The following KLF17 variants were observed in gnomAD, a reference collection of about 807,000 sequenced individuals.
The protein encoded by KLF17 is Krueppel-like factor 17.
A neutral mutation model predicts 34.2 loss-of-function variants in KLF17; 31 were observed. The observed-to-expected ratio is 0.91, with a 90% CI of 0.68 to 1.22. The LOEUF (loss-of-function observed/expected upper bound fraction) is 1.22. Ranked by LOEUF, KLF17 falls within the 50% of genes most tolerant of loss-of-function variation. The pLI is 0.00. For missense variants in KLF17, 478 were observed against 505.2 expected, an observed-to-expected ratio of 0.95 and a Z score of 0.52; for synonymous variants, 179 against 186.7, an observed-to-expected ratio of 0.96 and a Z score of 0.34.
chr1:44,077,915 A>C, the KLF17 span, among the ~76,000 whole-genome samples: 1 of 152,202 alleles, frequency 6.6e-6, no homozygotes, highest in South Asian at 2.1e-4. Flanking sequence ...ATTGTACAGA[A>C]GTACGTGGAA....
At chr1:44,109,875 A>G in the KLF17 span, among the ~76,000 whole-genome samples, 1 of 149,984 alleles carries the variant, frequency 6.7e-6, no homozygotes, top group Non-Finnish European at 1.5e-5. Flanking sequence ...CCCCACAGCC[A>G]TATACATATA....
At chr1:44,060,336 C>T in the KLF17 span, among the ~76,000 whole-genome samples, 3 of 152,110 alleles carry the variant, frequency 2.0e-5, no homozygotes, top group Non-Finnish European at 2.9e-5. Flanking sequence ...GGCGTGGTGG[C>T]GAGTACCTGT....
chr1:44,055,289 A>G, the KLF17 span, among the ~76,000 whole-genome samples: 1 of 152,164 alleles, frequency 6.6e-6, no homozygotes, highest in African/African-American at 2.4e-5. Context: ...TGGGTTCTTA[A>G]TGGACATGGG....
the KLF17 span, chr1:44,101,648 C>T: frequency 6.6e-6 from 1 of 152,170 alleles, no homozygotes; most frequent in Non-Finnish European, 1.5e-5. Context: ...GTGATGTTAA[C>T]TTTGGTCACA....
chr1:44,064,725 G>A, the KLF17 span, among the ~76,000 whole-genome samples: 2 of 152,068 alleles, frequency 1.3e-5, no homozygotes, highest in African/African-American at 4.8e-5. Flanking sequence ...TTCACATATA[G>A]GTAACCATTC....
At chr1:44,123,154 T>C (rs573323114) in intron 1 of KLF17, among the ~76,000 whole-genome samples, 1 of 152,116 alleles carries the variant, frequency 6.6e-6, no homozygotes, top group African/African-American at 2.4e-5. Flanking sequence ...TGAACCATGA[T>C]TGATCGCACC....
At chr1:44,099,857 G>GAAAA in the KLF17 span, among the ~76,000 whole-genome samples, 11 of 97,104 alleles carry the variant, frequency 1.1e-4, 1 homozygote, top group African/African-American at 4.8e-4. Context: ...AAGAAAGAAA[G>GAAAA]AAAGAAAGAA....
the KLF17 span, among the ~76,000 whole-genome samples, chr1:44,067,305 A>G: frequency 2.6e-5 from 4 of 152,346 alleles, no homozygotes; most frequent in East Asian, 7.7e-4. Flanking sequence ...CTGTTTAAAC[A>G]GAAAGGGATG....
At chr1:44,128,889 G>A (rs1411546212) in intron 1 of KLF17, among the ~76,000 whole-genome samples, 1 of 152,030 alleles carries the variant, frequency 6.6e-6, no homozygotes, top group Non-Finnish European at 1.5e-5. Flanking sequence ...GTGCATGCCT[G>A]TAATCCCAGC....
intron 2 of KLF17, 147 bp from the exon 3 acceptor site, chr1:44,130,365 G>A (rs1478281543): frequency 4.2e-5 from 58 of 1,367,578 alleles, no homozygotes; most frequent in Non-Finnish European, 5.6e-5. Context: ...CAAGATGACT[G>A]GGGCGGGCAC....
chr1:44,124,392 G>A (rs1188960532), intron 1 of KLF17, among the ~76,000 whole-genome samples: 1 of 149,618 alleles, frequency 6.7e-6, no homozygotes, highest in Non-Finnish European at 1.5e-5. Flanking sequence ...TGCAGTGGCT[G>A]GATCTCAGCT....
At chr1:44,070,164 T>C in the KLF17 span, among the ~76,000 whole-genome samples, 1 of 152,222 alleles carries the variant, frequency 6.6e-6, no homozygotes, top group African/African-American at 2.4e-5. Flanking sequence ...AATCTCCCTC[T>C]ACCAAACCTC....
chr1:44,093,184 TCTC>T, the KLF17 span, among the ~76,000 whole-genome samples: 5 of 152,086 alleles, frequency 3.3e-5, no homozygotes, highest in Non-Finnish European at 7.4e-5. Flanking sequence ...AAGAAAGACT[TCTC>T]CTCTACCAAC....
chr1:44,072,507 C>T, the KLF17 span, among the ~76,000 whole-genome samples: 3 of 151,350 alleles, frequency 2.0e-5, no homozygotes, highest in African/African-American at 4.9e-5. Context: ...GGCAACATAG[C>T]AAGATCCTGT....
At chr1:44,058,454 C>G in the KLF17 span, among the ~76,000 whole-genome samples, 4 of 151,996 alleles carry the variant, frequency 2.6e-5, no homozygotes, top group African/African-American at 9.7e-5. Context: ...CCAAGCCCGG[C>G]TAATTTTTGT....
At position 44,129,347 on chromosome 1, in the gene KLF17, C is replaced by G. The variant is rs2088070933; in HGVS notation, c.82-6C>G. On this transcript the variant is annotated splice_region_variant and splice_polypyrimidine_tract_variant and intron_variant, in intron 1 of 3. Coordinates refer to ENST00000372299, the MANE Select transcript of KLF17 (RefSeq NM_173484.4). ...AGCAAAAATCACCTGACTCTTTTTCCCCAAGGATAACGAGAACTCAGCGCC... is the reference window on the plus strand; with the variant it reads ...AGCAAAAATCACCTGACTCTTTTTCGCCAAGGATAACGAGAACTCAGCGCC... 6.6e-7 allele frequency: 1 copy of G among 1,504,114 alleles called. No homozygotes were observed. Among genetic ancestry groups the G allele is most frequent in the South Asian group, 1.4e-5 (1 of 72,120 alleles). The allele number at this position is 1,504,114 out of a possible 1,614,324, so 93.2% of individuals were successfully genotyped here.
At chr1:44,055,104 G>A in the KLF17 span, among the ~76,000 whole-genome samples, 2 of 152,100 alleles carry the variant, frequency 1.3e-5, no homozygotes, top group Non-Finnish European at 1.5e-5. Flanking sequence ...AAACAAGAAG[G>A]CTACTGGAAG....
At chr1:44,127,639 C>CTTTTCTTTTCTTTTCTT (rs1553171634) in intron 1 of KLF17, among the ~76,000 whole-genome samples, 5 of 77,428 alleles carry the variant, frequency 6.5e-5, no homozygotes, top group East Asian at 4.5e-4. Context: ...CTTTTCTTTC[C>CTTTTCTTTTCTTTTCTT]TTCTTTCTTT....
the KLF17 span, among the ~76,000 whole-genome samples, chr1:44,106,224 T>C: frequency 6.6e-6 from 1 of 152,154 alleles, no homozygotes; most frequent in Non-Finnish European, 1.5e-5. Context: ...CAAGGATCCC[T>C]ACAGATCCAC....
Sources: gnomAD v4.1 joint callset for allele counts (sites outside exome capture counted in the v4.1 genomes callset) on GRCh38, gnomAD v4.1.1 for gene constraint, MANE v1.5 for transcripts, NCBI Gene and HGNC (gene_info 2026-07-23, HGNC 2026-07-21) for gene names.